Variants in TRPV6 observed in about 807,000 individuals in gnomAD.
TRPV6 encodes Alu-binding protein with zinc finger domain.
In TRPV6, 39 loss-of-function variants were observed where a neutral mutation model predicts 79.0. The ratio of observed to expected loss-of-function variants is 0.49; its 90% CI spans 0.38 to 0.64. The LOEUF (loss-of-function observed/expected upper bound fraction) is 0.64, where lower values mean the gene tolerates loss of function less well. TRPV6 is among the 30% of genes least tolerant of loss of function. The pLI is 0.00. For missense variants in TRPV6, 813 were observed against 1,011.1 expected, an observed-to-expected ratio of 0.80 and a Z score of 2.66; for synonymous variants, 373 against 391.9, an observed-to-expected ratio of 0.95 and a Z score of 0.57.
Position 142,874,999 on chromosome 7 carries a change from C to CA in TRPV6, c.1330-20dup. 2.5e-6 allele frequency: 4 copies of CA among 1,614,142 alleles called. No individual in the cohort carries two copies. Among genetic ancestry groups the CA allele is most frequent in the Middle Eastern group, 1.7e-4 (1 of 6,060 alleles). On this transcript the variant is annotated intron_variant, in intron 9 of 14. Transcript: ENST00000359396. Reference sequence around the variant, plus strand: ...CTGGAACCTGAAGAGGTCAGGGAGACACAAAGGCACTCAGATACCGGAACT... The same window carrying CA: ...CTGGAACCTGAAGAGGTCAGGGAGACAACAAAGGCACTCAGATACCGGAACT...
At chr7:142,884,819 C>A (rs1375972883) in intron 1 of TRPV6, 2 of 152,224 alleles carry the variant, frequency 1.3e-5, no homozygotes, top group South Asian at 2.1e-4. Flanking sequence ...CATATCCCCC[C>A]AGTGCTGGGC....
chr7:142,875,368 G>A (rs958185112), intron 8 of TRPV6, 100 bp downstream of exon 8: 58 of 1,362,042 alleles, frequency 4.3e-5, no homozygotes, highest in Non-Finnish European at 5.3e-5. Flanking sequence ...TTTGAGATTA[G>A]AGCAAGGGGA....
At position 142,872,474 on chromosome 7, in the gene TRPV6, A is replaced by C. The variant is rs780652413; in HGVS notation, c.1913T>G (p.Val638Gly). The change falls in exon 14 of 15, where the codon GTG (valine) becomes GGG (glycine). Residue 638 changes from valine (V) to glycine (G), a missense_variant. Physicochemically the swap from Val to Gly is moderately radical, Grantham distance 109 (BLOSUM62 -3). Coordinates refer to ENST00000359396, the MANE Select transcript of TRPV6 (RefSeq NM_018646.6). ...CCGCTCCAGCATCACTGTGGTGGCC[A>C]CAATCTGCGTATGGGAACAAAAGGA... is the stretch of plus-strand genomic sequence containing the variant. 1 of 1,612,992 alleles carries C rather than the reference A, an allele frequency of 6.2e-7. No homozygotes were observed. The highest frequency in any genetic ancestry group is 8.5e-7 in the Non-Finnish European group (1 of 1,179,508).
Position 142,885,516 on chromosome 7 carries a change from T to G in TRPV6, c.121A>C (p.Met41Leu), listed in dbSNP as rs1375535900. ...TTCTCCTTGGGCAGTGACAAACCCA[T>G]GGGGTGTAGGGCCGGCTCCTTGGGG... is the stretch of plus-strand genomic sequence containing the variant. Residue 41 changes from methionine to leucine, a missense_variant, in exon 1 of 15, where the codon ATG (methionine) becomes CTG (leucine). By Grantham distance (15) the Met-to-Leu change is conservative. Transcript: ENST00000359396. 1 of 1,610,160 alleles carries G rather than the reference T, an allele frequency of 6.2e-7. No homozygotes were observed. The highest frequency in any genetic ancestry group is 8.5e-7 in the Non-Finnish European group (1 of 1,177,882).
At chr7:142,872,514 G>T in intron 13 of TRPV6, 36 bp from the exon 14 acceptor site, 2 of 1,589,058 alleles carry the variant, frequency 1.3e-6, no homozygotes, top group Non-Finnish European at 1.7e-6. Context: ...TCAGAGATGA[G>T]GCTGGGCGCA....
Position 142,875,878 on chromosome 7 carries a change from C to A in TRPV6, c.909G>T (p.Arg303=). Residue 303 remains arginine (R), a synonymous_variant, in exon 7 of 15, where the codon CGG becomes CGT. Coordinates refer to ENST00000359396, the MANE Select transcript of TRPV6 (RefSeq NM_018646.6). The stretch of plus-strand genomic sequence containing the variant: ...GTCCATACGTCCACTGGGTGTGCTT[C>A]CGCTTCTGCATCAGGTGCTGAAACA... The A allele has an allele frequency of 6.3e-7, 1 of 1,593,290 alleles. No individual in the cohort carries two copies. The highest frequency in any genetic ancestry group is 2.2e-5 in the East Asian group (1 of 44,750).
intron 1 of TRPV6, chr7:142,878,490 G>C (rs1458779243): frequency 1.6e-5 from 3 of 187,932 alleles, no homozygotes. Flanking sequence ...TCTCATATTT[G>C]TGGAGGGAGT....
chr7:142,877,316 C>T, intron 3 of TRPV6, 37 bp from the exon 4 acceptor site: 2 of 1,606,842 alleles, frequency 1.2e-6, no homozygotes, highest in Non-Finnish European at 1.7e-6. Flanking sequence ...GGGTCTGTCC[C>T]CAGGATCCTG....
In TRPV6 at chr7:142,874,476, G is replaced by T. The variant is rs761023320; in HGVS notation, c.1572+15C>A. 5 of 1,613,664 alleles carry T rather than the reference G, an allele frequency of 3.1e-6. No individual in the cohort carries two copies. The Admixed American group carries it at 8.3e-5, about 27-fold the overall frequency. ...TCTGGGGCCTTTCTCTAGGGAGCTT[G>T]GGGGGAGGACTGACCTTCTGAATCA... On this transcript the variant is annotated intron_variant, in intron 11 of 14. Coordinates refer to ENST00000359396, the MANE Select transcript of TRPV6 (RefSeq NM_018646.6).
chr7:142,878,210 T>C (rs1385006629), intron 1 of TRPV6, 184 bp from the exon 2 acceptor site: 3 of 606,420 alleles, frequency 4.9e-6, no homozygotes, highest in Non-Finnish European at 5.9e-6. Context: ...GTAAATACAA[T>C]CAACTTTTTG....
chr7:142,872,564 C>G, intron 13 of TRPV6, 86 bp from the exon 14 acceptor site: 3 of 1,340,006 alleles, frequency 2.2e-6, no homozygotes, highest in African/African-American at 1.4e-5. Context: ...TGACCTTCTT[C>G]AGTGGGAGAG....
chr7:142,877,339 C>T, intron 3 of TRPV6, 60 bp from the exon 4 acceptor site: 1 of 1,594,722 alleles, frequency 6.3e-7, no homozygotes. Context: ...GGGGGTCCCT[C>T]CCATATGCAC....
At chr7:142,875,963 G>T in intron 6 of TRPV6, 59 bp from the exon 7 acceptor site, 1 of 1,511,040 alleles carries the variant, frequency 6.6e-7, no homozygotes, top group Non-Finnish European at 8.9e-7. Context: ...CACAGAGTGT[G>T]GATAGGATGC....
At chr7:142,879,536 T>C (rs1404432973) in intron 1 of TRPV6, 1 of 152,098 alleles carries the variant, frequency 6.6e-6, no homozygotes, top group Non-Finnish European at 1.5e-5. Context: ...AGACAGGAGC[T>C]CACATTCTAA....
chr7:142,876,761 G>A lies in TRPV6; in HGVS notation c.684C>T (p.Asp228=). The A allele has an allele frequency of 6.2e-7, 1 of 1,614,060 alleles. No homozygotes were observed. The highest frequency in any genetic ancestry group is 1.3e-5 in the African/African-American group (1 of 74,984). The change falls in exon 5 of 15, where the codon GAC becomes GAT. Residue 228 remains aspartate (D), a synonymous_variant. Transcript: ENST00000359396. Reference sequence around the variant, plus strand: ...TACCCAGGGAGTCCTGGGCCCGGATGTCAGCTCCATGCTCAATGAGCAGCC... The same window carrying A: ...TACCCAGGGAGTCCTGGGCCCGGATATCAGCTCCATGCTCAATGAGCAGCC...
intron 3 of TRPV6, 177 bp downstream of exon 3, chr7:142,877,474 G>A: frequency 6.9e-7 from 1 of 1,451,354 alleles, no homozygotes. Context: ...GCATTTCAGG[G>A]GGCAGGCGTT....
rs749261854 is a variant in TRPV6 at position 142,873,503 on chromosome 7, A to G, written c.1853T>C (p.Met618Thr). ...GGCCACTCGCCAGTGAGTGTCGCCCATCATGGCAATGAGGAGGTTGAGCAT... is the reference window on the plus strand; with the variant it reads ...GGCCACTCGCCAGTGAGTGTCGCCCGTCATGGCAATGAGGAGGTTGAGCAT... The change falls in exon 13 of 15, where the codon ATG (methionine) becomes ACG (threonine). Residue 618 changes from methionine to threonine, a missense_variant. Around this residue, in one of 3 missense-constraint regions of TRPV6, gnomAD observed 94 missense variants for 194.0 expected, o/e 0.48. Transcript: ENST00000359396. This position sits in a 1 kb window ranked among gnomAD's most constrained non-coding sequence, Gnocchi z 4.8. 5 of 1,614,190 alleles carry G rather than the reference A, an allele frequency of 3.1e-6. No individual in the cohort carries two copies.
chr7:142,880,396 C>T (rs901889515), intron 1 of TRPV6: 4 of 152,206 alleles, frequency 2.6e-5, no homozygotes, highest in African/African-American at 9.6e-5. Context: ...ATCTGTGTCC[C>T]TTCCTCTATG....
In TRPV6 at chr7:142,877,204, C is replaced by G. The variant is rs752567681; in HGVS notation, c.545G>C (p.Ser182Thr). 1.2e-6 allele frequency: 2 copies of G among 1,614,234 alleles called. No homozygotes were observed. Among genetic ancestry groups the G allele is most frequent in the Non-Finnish European group, 1.7e-6 (2 of 1,180,042 alleles). The change falls in exon 4 of 15, where the codon AGT (serine) becomes ACT (threonine). Residue 182 changes from serine to threonine, a missense_variant. By Grantham distance (58) the Ser-to-Thr change is moderately conservative. Coordinates refer to ENST00000359396, the MANE Select transcript of TRPV6 (RefSeq NM_018646.6). ...AGTGCCTGTGGCTCTGGCAGAGACACTGGCCCTGCGGGCAAGCAGGGCTCG... is the reference window on the plus strand; with the variant it reads ...AGTGCCTGTGGCTCTGGCAGAGACAGTGGCCCTGCGGGCAAGCAGGGCTCG...
Sources: gnomAD v4.1 joint callset for allele counts on GRCh38, gnomAD v4.1.1 for gene constraint, gnomAD v4.1.1 regional missense constraint, Gnocchi (gnomAD v3.1) non-coding constraint, MANE v1.5 for transcripts, NCBI Gene and HGNC (gene_info 2026-07-23, HGNC 2026-07-21) for gene names.